NDST4: variants seen among roughly 807,000 people sequenced by gnomAD.
NDST4 encodes N-heparan sulfate sulfotransferase 4.
Under a neutral mutation model 100.8 loss-of-function variants are expected in NDST4, and 63 were observed. That is an observed-to-expected ratio of 0.62 (90% CI 0.51 to 0.77). The LOEUF is 0.77. Among genes scored for constraint, NDST4 ranks in the 30% least tolerant of loss-of-function variants. The probability of loss-of-function intolerance (pLI) is 0.00; values close to 1 mark genes in which losing one functional copy is unlikely to be tolerated. For synonymous variants in NDST4, 377 were observed against 361.8 expected (o/e 1.04, Z -0.48); for missense variants, 943 against 1,018.4 (o/e 0.93, Z 1.01).
At chr4:114,908,193 C>T (rs1213891931) in intron 6 of NDST4, among the ~76,000 whole-genome samples, 3 of 151,966 alleles carry the variant, frequency 2.0e-5, no homozygotes, top group African/African-American at 7.2e-5. Flanking sequence ...AGGGGAAAAT[C>T]CCAATGCTAT....
chr4:115,046,780 A>G (rs544211375), intron 2 of NDST4, among the ~76,000 whole-genome samples: 20 of 152,292 alleles, frequency 1.3e-4, no homozygotes, highest in Admixed American at 7.8e-4. Flanking sequence ...AGGAATCACA[A>G]TTGTTTATTA....
At chr4:115,107,982 G>A (rs1729863982) in intron 1 of NDST4, among the ~76,000 whole-genome samples, 1 of 151,882 alleles carries the variant, frequency 6.6e-6, no homozygotes, top group South Asian at 2.1e-4. Context: ...TGTGTTATCA[G>A]GAACCATAAT....
At chr4:115,100,071 A>T (rs143734854) in intron 1 of NDST4, among the ~76,000 whole-genome samples, 87 of 152,252 alleles carry the variant, frequency 5.7e-4, no homozygotes, top group African/African-American at 2.1e-3. Flanking sequence ...AAAAGGTTAT[A>T]TACTATATAA....
At chr4:114,885,690 A>AT (rs1724463451) in intron 6 of NDST4, among the ~76,000 whole-genome samples, 1 of 151,936 alleles carries the variant, frequency 6.6e-6, no homozygotes, top group Admixed American at 6.6e-5. Context: ...ATATGAATGG[A>AT]TTTTTTTCTT....
chr4:114,842,977 T>C (rs1723461642), intron 10 of NDST4, among the ~76,000 whole-genome samples: 1 of 133,184 alleles, frequency 7.5e-6, no homozygotes, highest in Non-Finnish European at 1.5e-5. Context: ...ATGTTGCTTA[T>C]GGTCACTATT....
chr4:114,940,780 C>T (rs1275064258), intron 4 of NDST4, among the ~76,000 whole-genome samples: 2 of 152,108 alleles, frequency 1.3e-5, no homozygotes, highest in Admixed American at 6.5e-5. Context: ...TTGAGTTTGT[C>T]CATGGTCGAA....
intron 6 of NDST4, among the ~76,000 whole-genome samples, chr4:114,889,462 A>G (rs899161153): frequency 1.3e-5 from 2 of 152,230 alleles, no homozygotes; most frequent in Non-Finnish European, 2.9e-5. Flanking sequence ...CCATGATCAT[A>G]AAGTCTGTGC....
At position 115,076,067 on chromosome 4, in the gene NDST4, C is replaced by A; in HGVS notation, c.970G>T (p.Asp324Tyr). ...GKEGTRMNVK[D>Y]VKALLETQNL... ...TCTATAAATAAGCTTACCTTCACAT[C>A]TTTGACATTCATCCTTGTTCCCTCT... The change falls in exon 2 of 14, where the codon GAT (aspartate) becomes TAT (tyrosine). Residue 324 changes from aspartate to tyrosine, a missense_variant. Physicochemically the swap from Asp to Tyr is radical, Grantham distance 160. Transcript: ENST00000264363. 1 of 1,605,890 alleles carries A rather than the reference C, an allele frequency of 6.2e-7. No individual in the cohort carries two copies. The highest frequency in any genetic ancestry group is 8.5e-7 in the Non-Finnish European group (1 of 1,175,640).
chr4:114,967,033 A>T (rs1227440095), intron 4 of NDST4, among the ~76,000 whole-genome samples: 1 of 152,116 alleles, frequency 6.6e-6, no homozygotes, highest in Non-Finnish European at 1.5e-5. Context: ...ATATCCAGTT[A>T]GTGTTTCTGC....
intron 2 of NDST4, among the ~76,000 whole-genome samples, chr4:115,048,851 C>T (rs1203098114): frequency 3.3e-5 from 5 of 151,672 alleles, no homozygotes; most frequent in Non-Finnish European, 5.9e-5. Context: ...GTTGGCCAGG[C>T]TGGTCTTGAA....
rs767616537 is a variant in NDST4, at chr4:115,076,945, T to C, written c.92A>G (p.Tyr31Cys). ...CTGTTTGTAGCCAGAGTAGAGAAAATAGGCAGAAATGACAATGCTCACCAA... is the reference window on the plus strand; with the variant it reads ...CTGTTTGTAGCCAGAGTAGAGAAAACAGGCAGAAATGACAATGCTCACCAA... ...FCLVSIVISAYFLYSGYKQEM... is the reference protein window; with the variant it reads ...FCLVSIVISACFLYSGYKQEM... The change falls in exon 2 of 14, where the codon TAT becomes TGT. Residue 31 changes from tyrosine to cysteine, a missense_variant. Tyr to Cys is a radical substitution (Grantham distance 194). Coordinates refer to ENST00000264363, the MANE Select transcript of NDST4 (RefSeq NM_022569.3). The C allele has an allele frequency of 6.2e-7, 1 of 1,613,512 alleles. No homozygotes were observed.
Position 114,906,033 on chromosome 4 carries a change from C to T in NDST4, c.1536+29173G>A, listed in dbSNP as rs149803230. 3.3e-3 allele frequency among the ~76,000 whole-genome samples: 499 copies of T among 151,990 alleles called. 2 individuals carry two copies. The highest frequency in any genetic ancestry group is 5.5e-3 in the Non-Finnish European group (376 of 67,850). ...TTACATTAACGAGGAAGTGGTGGAACGGCAGCTTCAGAACAGGAGAAATTA... is the reference window on the plus strand; with the variant it reads ...TTACATTAACGAGGAAGTGGTGGAATGGCAGCTTCAGAACAGGAGAAATTA... On this transcript the variant is annotated intron_variant, in intron 6 of 13. Transcript: ENST00000264363.
chr4:114,953,593 A>G (rs1726069720), intron 4 of NDST4, among the ~76,000 whole-genome samples: 1 of 152,174 alleles, frequency 6.6e-6, no homozygotes, highest in South Asian at 2.1e-4. Flanking sequence ...AGTCTTTGTG[A>G]ATGATAAAAA....
At chr4:114,853,458 C>T (rs72893343) in intron 7 of NDST4, among the ~76,000 whole-genome samples, 5,762 of 152,228 alleles carry the variant, frequency 0.038, 333 homozygotes, top group African/African-American at 0.13. Flanking sequence ...CAATATTATG[C>T]CCATCTAACC....
At chr4:114,967,076 C>G (rs1005663902) in intron 4 of NDST4, among the ~76,000 whole-genome samples, 3 of 151,960 alleles carry the variant, frequency 2.0e-5, no homozygotes, top group Non-Finnish European at 4.4e-5. Context: ...GTTGATGGCT[C>G]TAAAGTGTCA....
Position 114,929,648 on chromosome 4 carries a change from A to G in NDST4, c.1536+5558T>C, listed in dbSNP as rs891684802. Among the ~76,000 whole-genome samples, 5 of 152,216 alleles carry G rather than the reference A, an allele frequency of 3.3e-5. No individual in the cohort carries two copies. In the East Asian group the frequency reaches 9.6e-4, roughly 29 times the overall value. On this transcript the variant is annotated intron_variant, in intron 6 of 13. Transcript: ENST00000264363. Reference sequence around the variant, plus strand: ...AAAATTGAAATAAATGTGTGTAGCAATGATAAACTTTTTAAAGTGAGATTT... The same window carrying G: ...AAAATTGAAATAAATGTGTGTAGCAGTGATAAACTTTTTAAAGTGAGATTT...
In NDST4 at chr4:114,908,153, T is replaced by C. The variant is rs193228824; in HGVS notation, c.1536+27053A>G. 5.9e-5 allele frequency among the ~76,000 whole-genome samples: 9 copies of C among 152,244 alleles called. No homozygotes were observed. In the East Asian group the frequency reaches 1.7e-3, roughly 29 times the overall value. On this transcript the variant is annotated intron_variant, in intron 6 of 13. Transcript: ENST00000264363. ...CATTTTTATCTATAATATAATCATG[T>C]ATAGGGCAATATAAATAAATTCTGA...
intron 3 of NDST4, 97 bp downstream of exon 3, chr4:114,977,090 A>C (rs1228834883): frequency 1.4e-6 from 1 of 735,472 alleles, no homozygotes; most frequent in Non-Finnish European, 2.1e-6. Context: ...TTTTTCCCAT[A>C]ATCAATCTGG....
At chr4:114,871,238 A>G (rs1355270072) in intron 6 of NDST4, among the ~76,000 whole-genome samples, 1 of 152,168 alleles carries the variant, frequency 6.6e-6, no homozygotes, top group Non-Finnish European at 1.5e-5. Flanking sequence ...TCAAACTTCA[A>G]TCTAGTAACT....
Sources: allele counts gnomAD v4.1 joint callset (sites outside exome capture counted in the v4.1 genomes callset), GRCh38; gene constraint gnomAD v4.1.1; transcripts MANE v1.5; gene names NCBI Gene and HGNC (gene_info 2026-07-23, HGNC 2026-07-21).